The following ST6GAL1 variants were observed in gnomAD, a reference collection of about 807,000 sequenced individuals.
ST6GAL1 encodes ST6 beta-galactoside alpha-2,6-sialyltransferase 1, also known as beta-galactoside alpha-2,6-sialyltransferase 1.
A neutral mutation model predicts 38.0 loss-of-function variants in ST6GAL1; 20 were observed. The ratio of observed to expected loss-of-function variants is 0.53; its 90% CI spans 0.37 to 0.77. The LOEUF (loss-of-function observed/expected upper bound fraction) is 0.77, where lower values mean the gene tolerates loss of function less well. Among genes scored for constraint, ST6GAL1 ranks in the 30% least tolerant of loss-of-function variants. The pLI, the probability that ST6GAL1 is intolerant of heterozygous loss-of-function variation, is 0.00. For synonymous variants in ST6GAL1, 196 were observed against 188.2 expected, an observed-to-expected ratio of 1.04 and a Z score of -0.34; for missense variants, 432 against 496.4, an observed-to-expected ratio of 0.87 and a Z score of 1.23.
chr3:186,947,078 G>A (rs887480806), intron 1 of ST6GAL1, among the ~76,000 whole-genome samples: 1 of 152,150 alleles, frequency 6.6e-6, no homozygotes, highest in African/African-American at 2.4e-5. Flanking sequence ...CATGTCTGGG[G>A]TTACTGGGAG....
intron 2 of ST6GAL1, among the ~76,000 whole-genome samples, chr3:187,019,377 A>G (rs1284208149): frequency 6.6e-6 from 1 of 152,252 alleles, no homozygotes; most frequent in African/African-American, 2.4e-5. Context: ...GCTAGCTGCT[A>G]GAGCAAATAA....
At chr3:187,025,017 G>GTGTGTGTGTC (rs1487726546) in intron 2 of ST6GAL1, among the ~76,000 whole-genome samples, 2 of 151,592 alleles carry the variant, frequency 1.3e-5, no homozygotes, top group East Asian at 3.9e-4. Context: ...GTGTGTGTGT[G>GTGTGTGTGTC]TGTCTGTGTG....
At position 187,072,963 on chromosome 3, in the gene ST6GAL1, T is replaced by C; in HGVS notation, c.804+16T>C. 1 of 1,591,154 alleles carries C rather than the reference T, an allele frequency of 6.3e-7. No homozygotes were observed. Among genetic ancestry groups the C allele is most frequent in the South Asian group, 1.1e-5 (1 of 90,518 alleles). ...TATCCCAAAGGTAAGTGGGTGTCCG[T>C]GGGAAATAGGGGTTGAGTTTCCTGT... On this transcript the variant is annotated intron_variant, in intron 6 of 7. Coordinates refer to ENST00000169298, the MANE Select transcript of ST6GAL1 (RefSeq NM_173216.2).
intron 5 of ST6GAL1, among the ~76,000 whole-genome samples, chr3:187,052,255 C>T (rs910957661): frequency 6.6e-6 from 1 of 152,154 alleles, no homozygotes; most frequent in Non-Finnish European, 1.5e-5. Context: ...GAAGCTGCTT[C>T]CTGCATAGCC....
At chr3:186,983,358 A>G (rs1028319255) in intron 2 of ST6GAL1, among the ~76,000 whole-genome samples, 52 of 152,212 alleles carry the variant, frequency 3.4e-4, no homozygotes, top group Admixed American at 1.7e-3. Flanking sequence ...AGTAAAACTT[A>G]TTGGGAACTC....
Position 187,075,635 on chromosome 3 carries a change from C to G in ST6GAL1, c.1053C>G (p.Asp351Glu), listed in dbSNP as rs7629263. The G allele has an allele frequency of 1.1e-4, 178 of 1,614,010 alleles. No individual in the cohort carries two copies. The highest frequency in any genetic ancestry group is 1.4e-4 in the Non-Finnish European group (167 of 1,180,024). ...TCCTCCCATCCAAGCGCAAGACTGA[C>G]GTGTGCTACTACTACCAGAAGTTCT... ...YEFLPSKRKT[D>E]VCYYYQKFFD... is the part of the protein sequence containing the mutation. Residue 351 changes from aspartate to glutamate, a missense_variant, in exon 8 of 8, where the codon GAC becomes GAG. Asp to Glu is a conservative substitution (Grantham distance 45). Coordinates refer to ENST00000169298, the MANE Select transcript of ST6GAL1 (RefSeq NM_173216.2). This position sits in a 1 kb window ranked among gnomAD's most constrained non-coding sequence, Gnocchi z 4.1.
chr3:187,063,637 C>T (rs1011933445), intron 5 of ST6GAL1, among the ~76,000 whole-genome samples: 5 of 152,174 alleles, frequency 3.3e-5, no homozygotes, highest in Non-Finnish European at 7.3e-5. Flanking sequence ...TCTTGGACTG[C>T]GGAGGCTACC....
intron 1 of ST6GAL1, among the ~76,000 whole-genome samples, chr3:186,950,315 A>G (rs1714533995): frequency 6.6e-6 from 1 of 152,074 alleles, no homozygotes; most frequent in African/African-American, 2.4e-5. Flanking sequence ...CTGGCATTTG[A>G]TCCTACTCAG....
chr3:186,945,988 C>CAAA (rs71167026), intron 1 of ST6GAL1, among the ~76,000 whole-genome samples: 11,285 of 71,140 alleles, frequency 0.16, 1,206 homozygotes, highest in Non-Finnish European at 0.2. Context: ...AAGACTCCGT[C>CAAA]AAAAAAAAAA....
rs536382002 is a variant in ST6GAL1, at chr3:186,948,307, G to A, written c.-324-15478G>A. On this transcript the variant is annotated intron_variant, in intron 1 of 7. Transcript: ENST00000169298. ...AAGGATAGGGTTGTCAGGGGACTTCGGTGGCCAGCTTTATTCTCCAGAAGT... is the reference window on the plus strand; with the variant it reads ...AAGGATAGGGTTGTCAGGGGACTTCAGTGGCCAGCTTTATTCTCCAGAAGT... Among the ~76,000 whole-genome samples, 3 of 152,320 alleles carry A rather than the reference G, an allele frequency of 2.0e-5. 1 individual carries two copies. Among genetic ancestry groups the A allele is most frequent in the Admixed American group, 1.3e-4 (2 of 15,310 alleles).
intron 2 of ST6GAL1, among the ~76,000 whole-genome samples, chr3:187,010,731 C>T (rs1716926688): frequency 6.6e-6 from 1 of 152,208 alleles, no homozygotes; most frequent in South Asian, 2.1e-4. Flanking sequence ...TGATAAGATA[C>T]TGTGGCGAGC....
chr3:187,004,132 CT>C (rs1716706688), intron 2 of ST6GAL1, among the ~76,000 whole-genome samples: 2 of 152,196 alleles, frequency 1.3e-5, no homozygotes, highest in Admixed American at 1.3e-4. Flanking sequence ...CTGCCTCTTG[CT>C]TTTGCTTTCG....
In ST6GAL1 at chr3:187,043,127, T is replaced by C. The variant is rs1718184498; in HGVS notation, c.424T>C (p.Cys142Arg). 6.2e-7 allele frequency: 1 copy of C among 1,614,122 alleles called. No individual in the cohort carries two copies. Among genetic ancestry groups the C allele is most frequent in the African/African-American group, 1.3e-5 (1 of 74,944 alleles). ...CAAGTTCAGTGCAGAGGCCCTGCGCTGCCACCTCCGGGACCATGTGAATGT... is the reference window on the plus strand; with the variant it reads ...CAAGTTCAGTGCAGAGGCCCTGCGCCGCCACCTCCGGGACCATGTGAATGT... Reference protein sequence around the residue: ...GIKFSAEALRCHLRDHVNVSM... With the variant: ...GIKFSAEALRRHLRDHVNVSM... Residue 142 changes from cysteine to arginine, a missense_variant, in exon 4 of 8, where the codon TGC (cysteine) becomes CGC (arginine). Cys to Arg is a radical substitution (Grantham distance 180). Transcript: ENST00000169298.
intron 2 of ST6GAL1, among the ~76,000 whole-genome samples, chr3:187,022,266 A>G (rs757686560): frequency 6.9e-6 from 1 of 145,548 alleles, no homozygotes; most frequent in African/African-American, 2.4e-5. Flanking sequence ...ACCCCCACAC[A>G]TATGGTCACA....
chr3:186,936,819 G>A (rs1040913269), intron 1 of ST6GAL1, among the ~76,000 whole-genome samples: 3 of 151,396 alleles, frequency 2.0e-5, no homozygotes, highest in African/African-American at 7.3e-5. Context: ...GCAGGTGCCT[G>A]TAATCTTAGC....
At chr3:186,965,494 C>T (rs565994718) in intron 2 of ST6GAL1, among the ~76,000 whole-genome samples, 5 of 152,246 alleles carry the variant, frequency 3.3e-5, no homozygotes, top group South Asian at 2.1e-4. Flanking sequence ...GTGGGACATC[C>T]GTTAAGCACC....
intron 2 of ST6GAL1, among the ~76,000 whole-genome samples, chr3:186,984,835 C>T (rs1187200127): frequency 7.5e-5 from 5 of 66,820 alleles, no homozygotes; most frequent in African/African-American, 1.6e-4. Flanking sequence ...TTCCCTCCCT[C>T]CCTCCCTCCC....
At chr3:187,020,052 A>C (rs933914095) in intron 2 of ST6GAL1, among the ~76,000 whole-genome samples, 3 of 152,070 alleles carry the variant, frequency 2.0e-5, no homozygotes, top group African/African-American at 7.2e-5. Context: ...TAATCCCAGC[A>C]CTTTGACAGG....
intron 1 of ST6GAL1, among the ~76,000 whole-genome samples, chr3:186,935,804 G>A (rs1414603501): frequency 6.6e-6 from 1 of 152,122 alleles, no homozygotes; most frequent in Non-Finnish European, 1.5e-5. Context: ...GTCACAAAGA[G>A]GTGTAAAGCA....
Sources: gnomAD v4.1 joint callset for allele counts (sites outside exome capture counted in the v4.1 genomes callset) on GRCh38, gnomAD v4.1.1 for gene constraint, Gnocchi (gnomAD v3.1) non-coding constraint, MANE v1.5 for transcripts, NCBI Gene and HGNC (gene_info 2026-07-23, HGNC 2026-07-21) for gene names.